PTPRJ: variants seen among roughly 807,000 people sequenced by gnomAD.
The protein encoded by PTPRJ is receptor-type tyrosine-protein phosphatase eta.
PTPRJ carries 129 observed loss-of-function variants against 141.3 expected under a neutral mutation model. The ratio of observed to expected loss-of-function variants is 0.91; its 90% CI spans 0.79 to 1.06. PTPRJ has a LOEUF of 1.06. PTPRJ is among the 50% of genes least tolerant of loss of function. The probability of loss-of-function intolerance (pLI) is 0.00; values close to 1 mark genes in which losing one functional copy is unlikely to be tolerated. For synonymous variants in PTPRJ, 610 were observed against 640.5 expected (o/e 0.95, Z 0.72); for missense variants, 1,601 against 1,679.7 (o/e 0.95, Z 0.82).
At chr11:48,119,018 CAAAAAAAA>C (rs59349969) in intron 3 of PTPRJ, among the ~76,000 whole-genome samples, 1 of 87,084 alleles carries the variant, frequency 1.1e-5, no homozygotes, top group Non-Finnish European at 2.0e-5. Context: ...GACTTCGTCT[CAAAAAAAA>C]AAAAAAAAAA....
intron 22 of PTPRJ, among the ~76,000 whole-genome samples, chr11:48,162,054 A>T (rs906204136): frequency 2.0e-5 from 3 of 152,040 alleles, no homozygotes; most frequent in African/African-American, 7.3e-5. Context: ...TGTTACTATG[A>T]TTATTATTTT....
chr11:47,987,101 G>C (rs1251439483), intron 1 of PTPRJ, among the ~76,000 whole-genome samples: 1 of 152,068 alleles, frequency 6.6e-6, no homozygotes, highest in African/African-American at 2.4e-5. Context: ...CCACCTACTT[G>C]AGAGGCTGAG....
chr11:48,025,967 A>T (rs1417601527), intron 1 of PTPRJ, among the ~76,000 whole-genome samples: 1 of 151,660 alleles, frequency 6.6e-6, no homozygotes, highest in Non-Finnish European at 1.5e-5. Context: ...TGGAAATCCC[A>T]CTCCCCACTC....
At chr11:48,015,510 T>C (rs75930754) in intron 1 of PTPRJ, among the ~76,000 whole-genome samples, 3,457 of 152,280 alleles carry the variant, frequency 0.023, 57 homozygotes, top group Non-Finnish European at 0.036. Context: ...TTTTATTCTT[T>C]TGTGTTATTT....
chr11:48,027,265 C>T (rs1853842610), intron 1 of PTPRJ, among the ~76,000 whole-genome samples: 1 of 151,806 alleles, frequency 6.6e-6, no homozygotes, highest in South Asian at 2.1e-4. Context: ...CCTCGGCCTC[C>T]CAAAGTGCTG....
chr11:47,997,399 G>A (rs1246359163), intron 1 of PTPRJ, among the ~76,000 whole-genome samples: 1 of 152,188 alleles, frequency 6.6e-6, no homozygotes, highest in Non-Finnish European at 1.5e-5. Context: ...GAGACCGTAG[G>A]TCTAAACTAA....
At chr11:48,071,553 C>T (rs1313550741) in intron 1 of PTPRJ, among the ~76,000 whole-genome samples, 1 of 149,648 alleles carries the variant, frequency 6.7e-6, no homozygotes, top group Non-Finnish European at 1.5e-5. Context: ...CGTGATCCTC[C>T]CGCCTCGGCC....
rs1365864891 is a variant in PTPRJ, at chr11:48,022,727, CT to C, written c.96+41721del. On this transcript the variant is annotated intron_variant, in intron 1 of 24. Coordinates refer to ENST00000418331, the MANE Select transcript of PTPRJ (RefSeq NM_002843.4). ...TGAAAGAGGCTTCTGGACCTCCATC[CT>C]TGCTTCAGCCAGAGCAGCGTGGGTT... Among the ~76,000 whole-genome samples the C allele has an allele frequency of 2.6e-5, 4 of 152,108 alleles. No homozygotes were observed. In the East Asian group the frequency reaches 7.7e-4, roughly 29 times the overall value.
chr11:48,035,671 A>C (rs1446372531), intron 1 of PTPRJ, among the ~76,000 whole-genome samples: 1 of 149,624 alleles, frequency 6.7e-6, no homozygotes, highest in African/African-American at 2.5e-5. Context: ...CTCTGATTAG[A>C]GCCTCAATGG....
chr11:48,112,406 A>C (rs1293758604), intron 2 of PTPRJ, among the ~76,000 whole-genome samples: 1 of 152,218 alleles, frequency 6.6e-6, no homozygotes, highest in Admixed American at 6.5e-5. Context: ...CTAGGAGACT[A>C]GTAATGAATT....
chr11:48,109,275 G>A (rs989025703), intron 1 of PTPRJ, among the ~76,000 whole-genome samples: 18 of 117,536 alleles, frequency 1.5e-4, no homozygotes, highest in Non-Finnish European at 3.3e-4. Flanking sequence ...TCTTCGTGAC[G>A]ATCCTACTTA....
At position 48,123,848 on chromosome 11, in the gene PTPRJ, C is replaced by T; in HGVS notation, c.852C>T (p.Pro284=). 1 of 1,614,056 alleles carries T rather than the reference C, an allele frequency of 6.2e-7. No individual in the cohort carries two copies. Among genetic ancestry groups the T allele is most frequent in the Non-Finnish European group, 8.5e-7 (1 of 1,179,952 alleles). Residue 284 remains proline (P), a synonymous_variant, in exon 5 of 25, where the codon CCC becomes CCT. Transcript: ENST00000418331. ...AATCAAATAAGACAAAGGGAGACCCCTTGGGCACAGAAGGTGGCTTGGGTG... is the reference window on the plus strand; with the variant it reads ...AATCAAATAAGACAAAGGGAGACCCTTTGGGCACAGAAGGTGGCTTGGGTG... ...LLQSNKTKGD[P]LGTEGGLDAS...
In PTPRJ at chr11:48,142,948, A is replaced by G. The variant is rs1380004335; in HGVS notation, c.2473A>G (p.Ile825Val). 6 of 1,613,962 alleles carry G rather than the reference A, an allele frequency of 3.7e-6. No individual in the cohort carries two copies. In the South Asian group the frequency reaches 4.4e-5, roughly 12 times the overall value. Residue 825 changes from isoleucine (I) to valine (V), a missense_variant, in exon 12 of 25, where the codon ATT (isoleucine) becomes GTT (valine). By Grantham distance (29) the Ile-to-Val change is conservative. Transcript: ENST00000418331. ...DPPPPDGSPN[I>V]TSVSHNSVKV... Reference sequence around the variant, plus strand: ...CCCTCCTCCAGATGGATCCCCTAATATTACATCTGTCAGTCACAATTCAGT... The same window carrying G: ...CCCTCCTCCAGATGGATCCCCTAATGTTACATCTGTCAGTCACAATTCAGT...
intron 1 of PTPRJ, among the ~76,000 whole-genome samples, chr11:48,033,361 G>A (rs1483609246): frequency 3.3e-5 from 5 of 152,120 alleles, no homozygotes; most frequent in African/African-American, 1.2e-4. Context: ...GGAACCAGGA[G>A]CCCGGAGCTG....
chr11:47,990,396 G>A (rs1379926206), intron 1 of PTPRJ, among the ~76,000 whole-genome samples: 1 of 152,122 alleles, frequency 6.6e-6, no homozygotes, highest in African/African-American at 2.4e-5. Context: ...CAATAATTAT[G>A]AATTGTCAAA....
At chr11:47,989,487 A>C (rs1444355878) in intron 1 of PTPRJ, among the ~76,000 whole-genome samples, 1 of 151,388 alleles carries the variant, frequency 6.6e-6, no homozygotes, top group Non-Finnish European at 1.5e-5. Flanking sequence ...CATGTTGGCC[A>C]GGCTGGTCTT....
At chr11:48,018,668 G>A (rs1005797952) in intron 1 of PTPRJ, among the ~76,000 whole-genome samples, 3 of 152,230 alleles carry the variant, frequency 2.0e-5, no homozygotes, top group Non-Finnish European at 2.9e-5. Context: ...GTGTCAGCGA[G>A]GGGGAGGGGC....
chr11:48,037,856 G>A (rs1854166720), intron 1 of PTPRJ, among the ~76,000 whole-genome samples: 1 of 151,822 alleles, frequency 6.6e-6, no homozygotes, highest in Admixed American at 6.6e-5. Flanking sequence ...TAGTTTTTCA[G>A]CCCTATACAG....
rs1855424215 is a variant in PTPRJ at position 48,077,042 on chromosome 11, T to A, written c.97-33016T>A. Among the ~76,000 whole-genome samples the A allele has an allele frequency of 2.0e-5, 3 of 152,184 alleles. No individual in the cohort carries two copies. In the South Asian group the frequency reaches 6.2e-4, roughly 32 times the overall value. ...GCCACTATGCCCGGCTAATTTTGTA[T>A]TTTAGTAGAGACGGGGTTTCTCCAT... is the stretch of plus-strand genomic sequence containing the variant. On this transcript the variant is annotated intron_variant, in intron 1 of 24. Transcript: ENST00000418331.
Sources: allele counts gnomAD v4.1 joint callset (sites outside exome capture counted in the v4.1 genomes callset), GRCh38; gene constraint gnomAD v4.1.1; transcripts MANE v1.5; gene names NCBI Gene and HGNC (gene_info 2026-07-23, HGNC 2026-07-21).